Variants in MAMDC2 observed in about 807,000 individuals in gnomAD.
MAMDC2 encodes MAM domain-containing protein 2.
MAMDC2 carries 57 observed loss-of-function variants against 89.8 expected under a neutral mutation model. The observed-to-expected ratio is 0.63, with a 90% confidence interval of 0.51 to 0.79. The LOEUF (loss-of-function observed/expected upper bound fraction) is 0.79. MAMDC2 is among the 30% of genes least tolerant of loss of function. The probability of loss-of-function intolerance (pLI) is 0.00; values close to 1 mark genes in which losing one functional copy is unlikely to be tolerated. For missense variants in MAMDC2, 800 were observed against 820.6 expected, an observed-to-expected ratio of 0.97 and a Z score of 0.31; for synonymous variants, 313 against 293.4, an observed-to-expected ratio of 1.07 and a Z score of -0.68.
chr9:70,054,653 G>A (rs1195345448), intron 2 of MAMDC2, among the ~76,000 whole-genome samples: 1 of 151,974 alleles, frequency 6.6e-6, no homozygotes, highest in Non-Finnish European at 1.5e-5. Flanking sequence ...GAAGGGACCA[G>A]CAAAGAAAGA....
intron 2 of MAMDC2, among the ~76,000 whole-genome samples, chr9:70,046,833 G>A (rs547882144): frequency 6.6e-6 from 1 of 152,340 alleles, no homozygotes; most frequent in South Asian, 2.1e-4. Context: ...GAGCACTCCA[G>A]GGTGGAGCAG....
chr9:70,195,362 A>G (rs911084275), intron 11 of MAMDC2, among the ~76,000 whole-genome samples: 1 of 152,110 alleles, frequency 6.6e-6, no homozygotes, highest in Non-Finnish European at 1.5e-5. Context: ...GCAGGATTTG[A>G]CAAACTATTT....
chr9:70,130,298 T>G (rs1474636309), intron 6 of MAMDC2, among the ~76,000 whole-genome samples: 1 of 152,112 alleles, frequency 6.6e-6, no homozygotes, highest in Non-Finnish European at 1.5e-5. Context: ...TGAGGCTGAG[T>G]GACAGCTGCC....
chr9:70,095,697 A>G (rs1349288721), intron 2 of MAMDC2, among the ~76,000 whole-genome samples: 1 of 152,242 alleles, frequency 6.6e-6, no homozygotes, highest in Non-Finnish European at 1.5e-5. Flanking sequence ...AGACTTGGGA[A>G]TTACCTCTGT....
At chr9:70,204,910 C>T (rs545410996) in intron 11 of MAMDC2, among the ~76,000 whole-genome samples, 7 of 152,348 alleles carry the variant, frequency 4.6e-5, no homozygotes, top group South Asian at 4.1e-4. Context: ...CGCCCTGCTT[C>T]AGCTCGCGCA....
chr9:70,070,743 T>C (rs1420834098), intron 2 of MAMDC2, among the ~76,000 whole-genome samples: 1 of 152,182 alleles, frequency 6.6e-6, no homozygotes, highest in African/African-American at 2.4e-5. Context: ...TGATTTGTCA[T>C]AGATCCTTGC....
At chr9:70,153,824 G>A (rs1587520584) in intron 9 of MAMDC2, 4 of 151,812 alleles carry the variant, frequency 2.6e-5, no homozygotes, top group Admixed American at 2.6e-4. Flanking sequence ...TTCACTAGGT[G>A]AGAATCTTGT....
At chr9:70,146,044 A>G (rs1042888315) in intron 9 of MAMDC2, among the ~76,000 whole-genome samples, 1 of 152,212 alleles carries the variant, frequency 6.6e-6, no homozygotes, top group Non-Finnish European at 1.5e-5. Flanking sequence ...TGTATTCTAG[A>G]AAACTCCTGC....
intron 4 of MAMDC2, among the ~76,000 whole-genome samples, 160 bp downstream of exon 4, chr9:70,109,964 G>A (rs1489005485): frequency 6.6e-6 from 1 of 152,200 alleles, no homozygotes; most frequent in Admixed American, 6.5e-5. Flanking sequence ...TTTGAATACT[G>A]TATGTTTTTT....
intron 2 of MAMDC2, among the ~76,000 whole-genome samples, chr9:70,096,046 C>T (rs1266251730): frequency 6.6e-6 from 1 of 151,310 alleles, no homozygotes; most frequent in Admixed American, 6.6e-5. Flanking sequence ...TTTTTTGAGA[C>T]ACAATCTTGC....
chr9:70,146,092 C>T (rs2031396230), intron 9 of MAMDC2, among the ~76,000 whole-genome samples: 1 of 152,188 alleles, frequency 6.6e-6, no homozygotes, highest in African/African-American at 2.4e-5. Flanking sequence ...CTACTTTATC[C>T]TCTGTTAACA....
intron 9 of MAMDC2, among the ~76,000 whole-genome samples, chr9:70,162,369 T>A (rs975768836): frequency 1.6e-4 from 24 of 152,178 alleles, no homozygotes; most frequent in African/African-American, 5.5e-4. Context: ...GTTGTTAAAC[T>A]ATAACATCCT....
chr9:70,070,413 T>G (rs1469119471), intron 2 of MAMDC2, among the ~76,000 whole-genome samples: 1 of 152,190 alleles, frequency 6.6e-6, no homozygotes, highest in Non-Finnish European at 1.5e-5. Flanking sequence ...CTTATCTTAA[T>G]CTGAGCCTAT....
intron 9 of MAMDC2, chr9:70,153,169 T>A (rs535330449): frequency 1.3e-5 from 2 of 152,358 alleles, no homozygotes; most frequent in African/African-American, 4.8e-5. Flanking sequence ...TTTAATGTTT[T>A]AAGAAACGTT....
At chr9:70,071,515 C>T (rs1827408257) in intron 2 of MAMDC2, 1 of 151,956 alleles carries the variant, frequency 6.6e-6, no homozygotes. Context: ...TACTTATTTC[C>T]CTGGATTGTG....
chr9:70,128,205 C>G (rs779169145), intron 6 of MAMDC2, among the ~76,000 whole-genome samples: 10 of 152,208 alleles, frequency 6.6e-5, no homozygotes, highest in Non-Finnish European at 1.2e-4. Context: ...ACTGTCTGAA[C>G]AAGAGAACAC....
intron 11 of MAMDC2, chr9:70,217,067 C>G (rs2033461491): frequency 2.1e-6 from 1 of 467,640 alleles, no homozygotes; most frequent in Non-Finnish European, 3.9e-6. Flanking sequence ...AATCCTGTTT[C>G]TGCCTGAAGC....
chr9:70,167,696 T>C (rs537566286), intron 9 of MAMDC2, among the ~76,000 whole-genome samples: 1 of 152,380 alleles, frequency 6.6e-6, no homozygotes, highest in East Asian at 1.9e-4. Context: ...AAGTAGCCTT[T>C]AAAATTTGCC....
rs77799579 is a variant in MAMDC2, at chr9:70,048,449, C to T, written c.148+3752C>T. ...GTACCATCTACTCAGGAGGCATGTG[C>T]TACCACCCCAGGCTAATTTTTGTAT... On this transcript the variant is annotated intron_variant, in intron 2 of 13. Transcript: ENST00000377182. Among the ~76,000 whole-genome samples the T allele has an allele frequency of 3.2e-3, 484 of 152,228 alleles. 1 individual carries two copies. Among genetic ancestry groups the T allele is most frequent in the African/African-American group, 0.011 (463 of 41,550 alleles).
Sources: gnomAD v4.1 joint callset for allele counts (sites outside exome capture counted in the v4.1 genomes callset) on GRCh38, gnomAD v4.1.1 for gene constraint, MANE v1.5 for transcripts, NCBI Gene and HGNC (gene_info 2026-07-23, HGNC 2026-07-21) for gene names.